Variants in ITGAL observed in about 807,000 individuals in gnomAD.
The protein encoded by ITGAL is integrin alpha-L.
ITGAL carries 68 observed loss-of-function variants against 138.4 expected under a neutral mutation model. The observed-to-expected ratio is 0.49, with a 90% CI of 0.40 to 0.60. The LOEUF (loss-of-function observed/expected upper bound fraction) is 0.60, where lower values mean the gene tolerates loss of function less well. Among genes scored for constraint, ITGAL ranks in the 20% least tolerant of loss-of-function variants. The pLI, the probability that ITGAL is intolerant of heterozygous loss-of-function variation, is 0.00. For synonymous variants in ITGAL, 561 were observed against 584.3 expected (o/e 0.96, Z 0.57); for missense variants, 1,256 against 1,478.6 (o/e 0.85, Z 2.47).
At chr16:30,481,143 AACACACACACACACACAC>A (rs60456127) in intron 6 of ITGAL, 6 of 216,070 alleles carry the variant, frequency 2.8e-5, no homozygotes, top group East Asian at 1.5e-4. Flanking sequence ...CTCTACTAAA[AACACACACACACACACAC>A]ACACACACAC....
intron 2 of ITGAL, 119 bp downstream of exon 2, chr16:30,474,417 G>A: frequency 1.5e-6 from 1 of 676,686 alleles, no homozygotes; most frequent in Non-Finnish European, 2.6e-6. Flanking sequence ...CTCTCCAGGG[G>A]TTCCCGTCTG....
intron 9 of ITGAL, among the ~76,000 whole-genome samples, chr16:30,487,473 G>C (rs1435667357): frequency 2.0e-5 from 3 of 152,148 alleles, no homozygotes; most frequent in African/African-American, 7.2e-5. Flanking sequence ...GCAGTGGTGT[G>C]ATCTTGGCTC....
intron 6 of ITGAL, 140 bp from the exon 7 acceptor site, chr16:30,481,299 T>C (rs991360937): frequency 2.3e-5 from 15 of 657,646 alleles, no homozygotes; most frequent in African/African-American, 1.2e-4. Flanking sequence ...TGAGCCAAGA[T>C]TGTGCCAGTG....
At chr16:30,483,401 G>A (rs772726572) in intron 7 of ITGAL, among the ~76,000 whole-genome samples, 1 of 152,200 alleles carries the variant, frequency 6.6e-6, no homozygotes, top group East Asian at 1.9e-4. Flanking sequence ...AGGCAGAGGA[G>A]GTGCTGGAAG....
intron 28 of ITGAL, 119 bp from the exon 29 acceptor site, chr16:30,518,505 T>C (rs573290683): frequency 2.9e-6 from 2 of 693,012 alleles, no homozygotes; most frequent in East Asian, 5.3e-5. Flanking sequence ...TGTGTAGAGA[T>C]GGGTGCACCC....
At chr16:30,514,511 G>A (rs34323384) in intron 25 of ITGAL, among the ~76,000 whole-genome samples, 10 of 98,006 alleles carry the variant, frequency 1.0e-4, no homozygotes, top group East Asian at 2.9e-4. Context: ...TCCTGACCTC[G>A]TGATCTTCCC....
chr16:30,480,091 G>A (rs1445191906), intron 6 of ITGAL, among the ~76,000 whole-genome samples: 5 of 151,890 alleles, frequency 3.3e-5, no homozygotes, highest in East Asian at 1.9e-4. Context: ...ACCACTGTGC[G>A]TGGCTAATTT....
chr16:30,517,373 A>C (rs1036410875), intron 26 of ITGAL, among the ~76,000 whole-genome samples: 3 of 152,006 alleles, frequency 2.0e-5, no homozygotes, highest in Non-Finnish European at 4.4e-5. Context: ...CGGGAGGATC[A>C]CTTGAACCTA....
chr16:30,515,080 C>T (rs187241750), intron 25 of ITGAL, among the ~76,000 whole-genome samples: 1 of 152,274 alleles, frequency 6.6e-6, no homozygotes, highest in East Asian at 1.9e-4. Flanking sequence ...CCACCTCGGC[C>T]TCCCAAAGTG....
At chr16:30,493,512 G>A (rs891551309) in intron 11 of ITGAL, among the ~76,000 whole-genome samples, 4 of 151,992 alleles carry the variant, frequency 2.6e-5, no homozygotes, top group Non-Finnish European at 5.9e-5. Flanking sequence ...TCCTGACCTT[G>A]TGATCCACCT....
intron 9 of ITGAL, among the ~76,000 whole-genome samples, chr16:30,487,945 T>C (rs915524323): frequency 1.3e-5 from 2 of 152,066 alleles, no homozygotes; most frequent in African/African-American, 4.8e-5. Context: ...CTCAAACTCC[T>C]GACCTCAGGT....
At chr16:30,520,163 A>T (rs1169744623) in intron 30 of ITGAL, among the ~76,000 whole-genome samples, 196 bp downstream of exon 30, 4 of 152,202 alleles carry the variant, frequency 2.6e-5, no homozygotes, top group Admixed American at 6.5e-5. Context: ...GGCCAGGTGC[A>T]GTGGCTCATA....
At chr16:30,476,077 C>A (rs2050467360) in intron 4 of ITGAL, among the ~76,000 whole-genome samples, 1 of 151,904 alleles carries the variant, frequency 6.6e-6, no homozygotes, top group Non-Finnish European at 1.5e-5. Context: ...GGTGAAACCC[C>A]CATCTCTACT....
In ITGAL at chr16:30,494,397, G is replaced by T. The variant is rs1400032896; in HGVS notation, c.1365+34G>T. ...AGTCCGAGGGCATCTGCAGACCAGG[G>T]ACTGGCGGGACACACATCACACTCC... On this transcript the variant is annotated intron_variant, in intron 12 of 30. Transcript: ENST00000356798. This position sits in a 1 kb window ranked among gnomAD's most constrained non-coding sequence, Gnocchi z 4.2. The T allele has an allele frequency of 1.9e-6, 3 of 1,566,776 alleles. No individual in the cohort carries two copies. The highest frequency in any genetic ancestry group is 1.4e-5 in the African/African-American group (1 of 73,874).
rs559482958 is a variant in ITGAL at position 30,487,027 on chromosome 16, C to A, written c.1007-2055C>A. Among the ~76,000 whole-genome samples, 5 of 151,348 alleles carry A rather than the reference C, an allele frequency of 3.3e-5. No individual in the cohort carries two copies. The South Asian group carries it at 1.0e-3, about 31-fold the overall frequency. On this transcript the variant is annotated intron_variant, in intron 9 of 30. Coordinates refer to ENST00000356798, the MANE Select transcript of ITGAL (RefSeq NM_002209.3). ...GCGTGGTGGCGGGCGCCTGTAGTCC[C>A]AGCTACTCGGGAGGCTGAGGCAGGA...
In ITGAL at chr16:30,494,770, A is replaced by G; in HGVS notation, c.1423A>G (p.Thr475Ala). ...CGVDVDQDGE[T>A]ELLLIGAPLF... ...CGTCGACGTGGACCAAGATGGGGAGACAGAGCTGCTGCTGATTGGTGCCCC... is the reference window on the plus strand; with the variant it reads ...CGTCGACGTGGACCAAGATGGGGAGGCAGAGCTGCTGCTGATTGGTGCCCC... Residue 475 changes from threonine (T) to alanine (A), a missense_variant, in exon 13 of 31, where the codon ACA (threonine) becomes GCA (alanine). Around this residue, in one of 3 missense-constraint regions of ITGAL, gnomAD observed 867 missense variants for 972.5 expected, o/e 0.89. Transcript: ENST00000356798. The surrounding 1 kb of genome is among the most constrained non-coding windows in gnomAD (Gnocchi z 4.2). The G allele has an allele frequency of 1.2e-6, 2 of 1,613,408 alleles. No individual in the cohort carries two copies. Among genetic ancestry groups the G allele is most frequent in the Non-Finnish European group, 1.7e-6 (2 of 1,179,582 alleles).
intron 30 of ITGAL, among the ~76,000 whole-genome samples, chr16:30,520,651 C>T (rs1381571854): frequency 6.6e-6 from 1 of 152,172 alleles, no homozygotes; most frequent in Non-Finnish European, 1.5e-5. Flanking sequence ...AGGACACAGG[C>T]AGAAGCAAGC....
At position 30,521,632 on chromosome 16, in the gene ITGAL, G is replaced by A. The variant is rs2051255771; in HGVS notation, c.3480G>A (p.Glu1160=). 6.2e-7 allele frequency: 1 copy of A among 1,614,120 alleles called. No individual in the cohort carries two copies. Among genetic ancestry groups the A allele is most frequent in the Non-Finnish European group, 8.5e-7 (1 of 1,180,036 alleles). Residue 1160 remains glutamate (E), a synonymous_variant, in exon 31 of 31, where the codon GAG becomes GAA. Coordinates refer to ENST00000356798, the MANE Select transcript of ITGAL (RefSeq NM_002209.3). ...GDPGCLKPLH[E]KDSESGGGKD ...CCGGCTGCCTGAAGCCCCTCCATGAGAAGGACTCTGAGAGTGGTGGTGGCA... is the reference window on the plus strand; with the variant it reads ...CCGGCTGCCTGAAGCCCCTCCATGAAAAGGACTCTGAGAGTGGTGGTGGCA...
rs1336129594 is a variant in ITGAL at position 30,504,262 on chromosome 16, G to A, written c.2233G>A (p.Ala745Thr). The change falls in exon 18 of 31, where the codon GCG (alanine) becomes ACG (threonine). Residue 745 changes from alanine (A) to threonine (T), a missense_variant and splice_region_variant. By Grantham distance (58) the Ala-to-Thr change is moderately conservative. Coordinates refer to ENST00000356798, the MANE Select transcript of ITGAL (RefSeq NM_002209.3). ...GGAAGGGACACCGAGGGACCAAAGGGCGGTAAGAAGAGATGGCTAGGGATG... is the reference window on the plus strand; with the variant it reads ...GGAAGGGACACCGAGGGACCAAAGGACGGTAAGAAGAGATGGCTAGGGATG... Reference protein sequence around the residue: ...EEEGTPRDQRAQGKDIPPILR... With the variant: ...EEEGTPRDQRTQGKDIPPILR... 6.2e-7 allele frequency: 1 copy of A among 1,609,514 alleles called. No individual in the cohort carries two copies. The highest frequency in any genetic ancestry group is 8.5e-7 in the Non-Finnish European group (1 of 1,175,952).
Sources: gnomAD v4.1 joint callset for allele counts (sites outside exome capture counted in the v4.1 genomes callset) on GRCh38, gnomAD v4.1.1 for gene constraint, gnomAD v4.1.1 regional missense constraint, Gnocchi (gnomAD v3.1) non-coding constraint, MANE v1.5 for transcripts, NCBI Gene and HGNC (gene_info 2026-07-23, HGNC 2026-07-21) for gene names.